The following RUNX3 variants were observed in gnomAD, a reference collection of about 807,000 sequenced individuals.
RUNX3 encodes runt-related transcription factor 3.
A neutral mutation model predicts 27.7 loss-of-function variants in RUNX3; 10 were observed. The observed-to-expected ratio is 0.36, with a 90% CI of 0.22 to 0.61. The LOEUF is 0.61. Among genes scored for constraint, RUNX3 ranks in the 20% least tolerant of loss-of-function variants. The probability of loss-of-function intolerance (pLI) is 0.72; values close to 1 mark genes in which losing one functional copy is unlikely to be tolerated. For synonymous variants in RUNX3, 270 were observed against 269.2 expected, an observed-to-expected ratio of 1.00 and a Z score of -0.03; for missense variants, 469 against 629.5, an observed-to-expected ratio of 0.75 and a Z score of 2.73.
chr1:24,914,481 G>C (rs1398800320), intron 3 of RUNX3, among the ~76,000 whole-genome samples: 1 of 152,176 alleles, frequency 6.6e-6, no homozygotes, highest in Non-Finnish European at 1.5e-5. Context: ...GCTGTGAATC[G>C]GCCCCCTGTG....
chr1:24,930,206 C>T lies in RUNX3; in HGVS notation c.-338G>A. 16 of 981,502 alleles carry T rather than the reference C, an allele frequency of 1.6e-5. No homozygotes were observed. Among genetic ancestry groups the T allele is most frequent in the East Asian group, 1.1e-4 (1 of 8,744 alleles). The allele number at this position is 981,502 out of a possible 1,614,324, so 60.8% of individuals were successfully genotyped here. On this transcript the variant is annotated 5_prime_UTR_variant, in exon 1 of 5. Transcript: ENST00000308873. The surrounding 1 kb of genome is among the most constrained non-coding windows in gnomAD (Gnocchi z 4.1). The stretch of plus-strand genomic sequence containing the variant: ...TGTGCCGCTGCCGCCGCCTCCCGCC[C>T]CGAAGCTCGCCCGCGGCCGCCCCGA...
intron 4 of RUNX3, among the ~76,000 whole-genome samples, chr1:24,905,582 T>C (rs909801689): frequency 5.3e-5 from 8 of 152,188 alleles, no homozygotes; most frequent in African/African-American, 1.9e-4. Flanking sequence ...CAGCCCAGGA[T>C]GGAAGCAGCA....
At chr1:24,959,292 C>T (rs1287311240) in intron 2 of RUNX3, among the ~76,000 whole-genome samples, 5 of 152,218 alleles carry the variant, frequency 3.3e-5, no homozygotes, top group Non-Finnish European at 7.4e-5. Context: ...GGGGTCGGCT[C>T]ATGCCTGCCT....
At chr1:24,908,297 C>G (rs1640724389) in intron 3 of RUNX3, among the ~76,000 whole-genome samples, 1 of 151,644 alleles carries the variant, frequency 6.6e-6, no homozygotes, top group South Asian at 2.1e-4. Flanking sequence ...ATGTGGTGAT[C>G]CAAACCTCTA....
In RUNX3 at chr1:24,907,410, C is replaced by A. The variant is rs751829061; in HGVS notation, c.552G>T (p.Arg184=). 5 of 1,612,642 alleles carry A rather than the reference C, an allele frequency of 3.1e-6. No individual in the cohort carries two copies. The African/African-American group carries it at 6.7e-5, about 22-fold the overall frequency. Residue 184 remains arginine, a synonymous_variant, in exon 4 of 5, where the codon CGG becomes CGT. Transcript: ENST00000308873. The part of the protein sequence containing the change: ...VDGPREPRRH[R]QKLEDQTKPF... The stretch of plus-strand genomic sequence containing the variant: ...GCTTGGTCTGGTCCTCCAGCTTCTG[C>A]CGGTGCCCTGCAGAGCACAGGAAGC...
chr1:24,927,807 C>A lies in RUNX3; in HGVS notation c.283-77G>T. 1.5e-6 allele frequency: 2 copies of A among 1,294,480 alleles called. No homozygotes were observed. Among genetic ancestry groups the A allele is most frequent in the African/African-American group, 1.4e-5 (1 of 69,012 alleles). 80.2% of individuals were successfully genotyped at this position (1,294,480 alleles called of 1,614,324 possible). A position where few individuals can be genotyped will look rare whatever the true frequency, so the allele number is the denominator to read the frequency against. On this transcript the variant is annotated intron_variant, in intron 1 of 4. Transcript: ENST00000308873. The surrounding 1 kb of genome is among the most constrained non-coding windows in gnomAD (Gnocchi z 5.0). ...GTGACCAGGGAAAGGAGGGGAGGGG[C>A]TGGGCTGGGCAGCTCCCCCAGGTCC...
intron 2 of RUNX3, among the ~76,000 whole-genome samples, chr1:24,959,372 G>T (rs935052084): frequency 1.4e-4 from 22 of 152,202 alleles, no homozygotes; most frequent in Non-Finnish European, 2.5e-4. Context: ...GACAGGCAGG[G>T]TGGTCTGGGG....
At position 24,907,394 on chromosome 1, in the gene RUNX3, G is replaced by A. The variant is rs866066471; in HGVS notation, c.568C>T (p.Gln190Ter). 1 of 1,613,614 alleles carries A rather than the reference G, an allele frequency of 6.2e-7. No homozygotes were observed. Among genetic ancestry groups the A allele is most frequent in the Non-Finnish European group, 8.5e-7 (1 of 1,179,872 alleles). ...AAGCGGTCAGGGAACGGCTTGGTCT[G>A]GTCCTCCAGCTTCTGCCGGTGCCCT... ...PRRHRQKLED[Q>*]TKPFPDRFGD... Residue 190 changes from glutamine to a stop codon, truncating the protein, a stop_gained, in exon 4 of 5, where the codon CAG becomes TAG. Transcript: ENST00000308873. LOFTEE classifies it high-confidence loss of function.
rs1018015650 is a variant in RUNX3 at position 24,927,984 on chromosome 1, G to T, written c.283-254C>A. 2.0e-5 allele frequency among the ~76,000 whole-genome samples: 3 copies of T among 152,178 alleles called. No individual in the cohort carries two copies. Among genetic ancestry groups the T allele is most frequent in the Non-Finnish European group, 4.4e-5 (3 of 68,036 alleles). On this transcript the variant is annotated intron_variant, in intron 1 of 4. Transcript: ENST00000308873. This position sits in a 1 kb window ranked among gnomAD's most constrained non-coding sequence, Gnocchi z 5.0. The stretch of plus-strand genomic sequence containing the variant: ...ACTGCTTACATAAACTGTGTCCCAA[G>T]AAATCATCCTTTCAATGAAATCTAA...
At chr1:24,956,070 C>T (rs918123856) in intron 2 of RUNX3, among the ~76,000 whole-genome samples, 6 of 152,222 alleles carry the variant, frequency 3.9e-5, no homozygotes, top group South Asian at 4.1e-4. Flanking sequence ...CTGCGCAGCC[C>T]GGGGCAGACC....
chr1:24,924,701 C>G (rs945870439), intron 2 of RUNX3, among the ~76,000 whole-genome samples: 2 of 152,152 alleles, frequency 1.3e-5, no homozygotes, highest in African/African-American at 4.8e-5. Context: ...ATTACTTTCC[C>G]TTTTTTTCTC....
intron 2 of RUNX3, among the ~76,000 whole-genome samples, chr1:24,954,552 T>C (rs1006265): frequency 0.54 from 82,246 of 152,046 alleles, 22,344 homozygotes; most frequent in East Asian, 0.64. Context: ...CCTGAAATTC[T>C]TACTGATTTT....
intron 2 of RUNX3, among the ~76,000 whole-genome samples, chr1:24,939,351 G>A (rs1000916105): frequency 2.6e-5 from 4 of 152,252 alleles, no homozygotes; most frequent in African/African-American, 9.6e-5. Context: ...GCAGCCACAG[G>A]TGCAAACAGT....
Position 24,927,647 on chromosome 1 carries a change from G to A in RUNX3, c.366C>T (p.Arg122=), listed in dbSNP as rs1193064001. ...GGTTCTTCATGACGGCCGAGGCATTGCGCAGCTCAGCGGAGTAGTTCTCGT... is the reference window on the plus strand; with the variant it reads ...GGTTCTTCATGACGGCCGAGGCATTACGCAGCTCAGCGGAGTAGTTCTCGT... The part of the protein sequence containing the change: ...GNDENYSAEL[R]NASAVMKNQV... The change falls in exon 2 of 5, where the codon CGC becomes CGT. Residue 122 remains arginine, a synonymous_variant. Coordinates refer to ENST00000308873, the MANE Select transcript of RUNX3 (RefSeq NM_004350.3). The surrounding 1 kb of genome is among the most constrained non-coding windows in gnomAD (Gnocchi z 5.0). 6.2e-7 allele frequency: 1 copy of A among 1,614,150 alleles called. No homozygotes were observed. Among genetic ancestry groups the A allele is most frequent in the Admixed American group, 1.7e-5 (1 of 60,024 alleles).
intron 4 of RUNX3, among the ~76,000 whole-genome samples, chr1:24,903,069 T>C (rs1024473844): frequency 5.9e-5 from 9 of 152,134 alleles, no homozygotes; most frequent in South Asian, 4.1e-4. Flanking sequence ...CACCGGCCCA[T>C]GTTAACAGCT....
intron 2 of RUNX3, among the ~76,000 whole-genome samples, chr1:24,945,218 A>G (rs978446530): frequency 2.0e-5 from 3 of 152,200 alleles, no homozygotes; most frequent in African/African-American, 4.8e-5. Flanking sequence ...TGCCCCAAAT[A>G]TTGCAATTAT....
intron 2 of RUNX3, among the ~76,000 whole-genome samples, chr1:24,926,725 A>C (rs1641106265): frequency 6.6e-6 from 1 of 152,176 alleles, no homozygotes; most frequent in South Asian, 2.1e-4. Context: ...AACCCAGCTT[A>C]CTTCTTAACA....
chr1:24,953,292 G>A (rs1641816046), intron 2 of RUNX3, among the ~76,000 whole-genome samples: 1 of 146,426 alleles, frequency 6.8e-6, no homozygotes, highest in Admixed American at 7.0e-5. Flanking sequence ...GTGAACCCAG[G>A]AGGCGGAGCT....
At position 24,923,023 on chromosome 1, in the gene RUNX3, G is replaced by A. The variant is rs577439050; in HGVS notation, c.440-3679C>T. Among the ~76,000 whole-genome samples the A allele has an allele frequency of 7.2e-5, 11 of 152,114 alleles. No homozygotes were observed. Among genetic ancestry groups the A allele is most frequent in the Non-Finnish European group, 1.6e-4 (11 of 68,024 alleles). ...TAGGACGGCATCCGGCACAGAGTAGGTGCTCAACAACATTTGTTAAATAAA... is the reference window on the plus strand; with the variant it reads ...TAGGACGGCATCCGGCACAGAGTAGATGCTCAACAACATTTGTTAAATAAA... On this transcript the variant is annotated intron_variant, in intron 2 of 4. Coordinates refer to ENST00000308873, the MANE Select transcript of RUNX3 (RefSeq NM_004350.3). The surrounding 1 kb of genome is among the most constrained non-coding windows in gnomAD (Gnocchi z 5.9).
Sources: gnomAD v4.1 joint callset for allele counts (sites outside exome capture counted in the v4.1 genomes callset) on GRCh38, gnomAD v4.1.1 for gene constraint, Gnocchi (gnomAD v3.1) non-coding constraint, MANE v1.5 for transcripts, NCBI Gene and HGNC (gene_info 2026-07-23, HGNC 2026-07-21) for gene names.